Variants in RYR2 observed in about 807,000 individuals in gnomAD.
The protein encoded by RYR2 is cardiac muscle ryanodine receptor-calcium release channel.
Under a neutral mutation model 601.1 loss-of-function variants are expected in RYR2, and 227 were observed. That is an observed-to-expected ratio of 0.38 (90% CI 0.34 to 0.42). The LOEUF (loss-of-function observed/expected upper bound fraction) is 0.42. Ranked by LOEUF, RYR2 falls within the 10% of genes least tolerant of loss-of-function variation. The probability of loss-of-function intolerance (pLI) is 1.00; values close to 1 mark genes in which losing one functional copy is unlikely to be tolerated. For missense variants in RYR2, 4,646 were observed against 6,156.5 expected (o/e 0.75, Z 8.21); for synonymous variants, 2,223 against 2,175.1 (o/e 1.02, Z -0.61).
At chr1:237,368,838 T>A (rs1038826849) in intron 5 of RYR2, among the ~76,000 whole-genome samples, 3 of 150,980 alleles carry the variant, frequency 2.0e-5, no homozygotes, top group East Asian at 1.9e-4. Flanking sequence ...TTTATTTATT[T>A]ATTAAGATAG....
chr1:237,498,609 G>T (rs1291251187), intron 20 of RYR2, among the ~76,000 whole-genome samples: 1 of 151,158 alleles, frequency 6.6e-6, no homozygotes, highest in Non-Finnish European at 1.5e-5. Flanking sequence ...ATGCCAAGTT[G>T]CTTTCATTTA....
intron 14 of RYR2, among the ~76,000 whole-genome samples, chr1:237,447,765 T>C (rs1043676388): frequency 1.7e-4 from 26 of 151,808 alleles, no homozygotes; most frequent in Admixed American, 1.4e-3. Context: ...TTTCTTTTCT[T>C]TCCGTCTGTC....
intron 14 of RYR2, among the ~76,000 whole-genome samples, chr1:237,447,435 T>G (rs1043723190): frequency 6.6e-6 from 1 of 152,328 alleles, no homozygotes. Flanking sequence ...GATTCTGTGA[T>G]AAAAAATGTT....
At chr1:237,262,243 G>A in intron 1 of RYR2, among the ~76,000 whole-genome samples, 1 of 59,570 alleles carries the variant, frequency 1.7e-5, no homozygotes, top group Non-Finnish European at 3.1e-5. Context: ...CTGTTCTAAA[G>A]AGTTTTTTTT....
intron 73 of RYR2, among the ~76,000 whole-genome samples, chr1:237,719,511 C>G (rs1313325551): frequency 6.6e-6 from 1 of 152,044 alleles, no homozygotes; most frequent in African/African-American, 2.4e-5. Flanking sequence ...GCAGGCATCT[C>G]GCCTGGCAGG....
intron 25 of RYR2, among the ~76,000 whole-genome samples, chr1:237,544,288 A>G (rs1027658942): frequency 2.0e-5 from 3 of 152,116 alleles, no homozygotes; most frequent in Admixed American, 2.0e-4. Context: ...AAGGGGGTAA[A>G]AGCTACTTAT....
intron 101 of RYR2, among the ~76,000 whole-genome samples, chr1:237,820,843 G>C (rs913270855): frequency 2.6e-5 from 4 of 151,992 alleles, no homozygotes; most frequent in African/African-American, 9.7e-5. Context: ...TGGAGGGAGG[G>C]CATCTGCCAT....
At chr1:237,759,243 C>G (rs1015831790) in intron 82 of RYR2, among the ~76,000 whole-genome samples, 1 of 152,086 alleles carries the variant, frequency 6.6e-6, no homozygotes, top group Non-Finnish European at 1.5e-5. Flanking sequence ...CATGCTACCA[C>G]GCCCAGCTGA....
chr1:237,240,353 G>A (rs1248229988), intron 1 of RYR2, among the ~76,000 whole-genome samples: 4 of 151,942 alleles, frequency 2.6e-5, no homozygotes, highest in African/African-American at 9.7e-5. Context: ...AATTCTCATT[G>A]TGACCCTTGG....
chr1:237,088,259 C>T (rs1666576116), intron 1 of RYR2, among the ~76,000 whole-genome samples: 1 of 152,088 alleles, frequency 6.6e-6, no homozygotes, highest in Non-Finnish European at 1.5e-5. Flanking sequence ...GTACGTGTGC[C>T]AAACGCAGAT....
intron 3 of RYR2, among the ~76,000 whole-genome samples, chr1:237,353,440 C>T (rs1183266662): frequency 1.4e-5 from 2 of 141,862 alleles, no homozygotes; most frequent in Admixed American, 1.5e-4. Flanking sequence ...ACCCAGGAGG[C>T]GGAGGTTACA....
intron 1 of RYR2, among the ~76,000 whole-genome samples, chr1:237,085,660 T>C (rs577881429): frequency 3.2e-4 from 49 of 152,350 alleles, no homozygotes; most frequent in African/African-American, 1.2e-3. Context: ...CCCCATTACT[T>C]GATCTCAGTT....
chr1:237,105,901 T>C (rs1668621361), intron 1 of RYR2, among the ~76,000 whole-genome samples: 1 of 147,864 alleles, frequency 6.8e-6, no homozygotes, highest in African/African-American at 2.5e-5. Flanking sequence ...CTCTTTGAGA[T>C]AGTAGCAGTT....
At chr1:237,683,009 A>G (rs979116123) in intron 62 of RYR2, among the ~76,000 whole-genome samples, 1 of 152,224 alleles carries the variant, frequency 6.6e-6, no homozygotes, top group African/African-American at 2.4e-5. Flanking sequence ...GATGGAGATG[A>G]GTATAATACT....
Position 237,465,679 on chromosome 1 carries a change from C to T in RYR2, c.1613-3413C>T, listed in dbSNP as rs189083258. Among the ~76,000 whole-genome samples, 48 of 152,104 alleles carry T rather than the reference C, an allele frequency of 3.2e-4. 1 individual carries two copies. Among genetic ancestry groups the T allele is most frequent in the Admixed American group, 1.8e-3 (28 of 15,268 alleles). ...ATGCTATACGGGATGGCCTACTGCG[C>T]GGCTACGCTATACTGGATGGCCTAC... is the stretch of plus-strand genomic sequence containing the variant. On this transcript the variant is annotated intron_variant, in intron 16 of 104. Transcript: ENST00000366574.
At chr1:237,053,090 G>A (rs886330720) in intron 1 of RYR2, among the ~76,000 whole-genome samples, 4 of 151,954 alleles carry the variant, frequency 2.6e-5, no homozygotes, top group East Asian at 1.9e-4. Context: ...CTCATGGTCC[G>A]CCCACCTCAG....
chr1:237,355,028 C>A (rs1241331669), intron 3 of RYR2, among the ~76,000 whole-genome samples: 1 of 152,088 alleles, frequency 6.6e-6, no homozygotes, highest in Non-Finnish European at 1.5e-5. Context: ...AGCTTGCTTG[C>A]CAGAGCATTG....
intron 63 of RYR2, among the ~76,000 whole-genome samples, chr1:237,690,700 A>G (rs1437500796): frequency 6.6e-6 from 1 of 152,132 alleles, no homozygotes; most frequent in African/African-American, 2.4e-5. Context: ...CATCTCGACT[A>G]AGAATACAAA....
chr1:237,739,479 T>G (rs1228392375), intron 79 of RYR2, among the ~76,000 whole-genome samples: 2 of 152,194 alleles, frequency 1.3e-5, no homozygotes, highest in Non-Finnish European at 2.9e-5. Context: ...GGTAACAGTA[T>G]GGAGGAAGAT....
Sources: gnomAD v4.1 joint callset for allele counts (sites outside exome capture counted in the v4.1 genomes callset) on GRCh38, gnomAD v4.1.1 for gene constraint, MANE v1.5 for transcripts, NCBI Gene and HGNC (gene_info 2026-07-23, HGNC 2026-07-21) for gene names.